Variants in CCSER2 observed in about 807,000 individuals in gnomAD.
The protein encoded by CCSER2 is coiled-coil serine rich protein 2, also known as serine-rich coiled-coil domain-containing protein 2.
CCSER2 carries 46 observed loss-of-function variants against 92.3 expected under a neutral mutation model. The ratio of observed to expected loss-of-function variants is 0.50; its 90% CI spans 0.39 to 0.64. The LOEUF (loss-of-function observed/expected upper bound fraction) is 0.64. Among genes scored for constraint, CCSER2 ranks in the 30% least tolerant of loss-of-function variants. CCSER2 has a pLI of 0.00. For missense variants in CCSER2, 1,244 were observed against 1,238.9 expected, an observed-to-expected ratio of 1.00 and a Z score of -0.06; for synonymous variants, 433 against 431.4, an observed-to-expected ratio of 1.00 and a Z score of -0.04.
At chr10:84,506,059 GA>G (rs2131859919) in intron 9 of CCSER2, among the ~76,000 whole-genome samples, 1 of 150,264 alleles carries the variant, frequency 6.7e-6, no homozygotes, top group Non-Finnish European at 1.5e-5. Context: ...TTGAGATATA[GA>G]CCCACGAAAT....
chr10:84,383,503 G>C (rs918773853), intron 3 of CCSER2, among the ~76,000 whole-genome samples: 1 of 151,914 alleles, frequency 6.6e-6, no homozygotes, highest in African/African-American at 2.4e-5. Context: ...GTAGAGACGG[G>C]GTTTCACCAT....
intron 9 of CCSER2, among the ~76,000 whole-genome samples, chr10:84,501,604 T>C (rs1848723856): frequency 6.6e-6 from 1 of 151,186 alleles, no homozygotes. Context: ...ATTCAGTGGC[T>C]CTCCATTTTC....
intron 1 of CCSER2, among the ~76,000 whole-genome samples, chr10:84,339,915 C>T (rs1844078133): frequency 6.6e-6 from 1 of 152,144 alleles, no homozygotes; most frequent in Non-Finnish European, 1.5e-5. Context: ...AATCTCTGCT[C>T]ACAGCAGCCT....
At chr10:84,457,216 TAC>T (rs1330261133) in intron 6 of CCSER2, among the ~76,000 whole-genome samples, 5 of 108,038 alleles carry the variant, frequency 4.6e-5, no homozygotes, top group African/African-American at 1.8e-4. Flanking sequence ...ATATATATAT[TAC>T]ATATTATATA....
At chr10:84,448,759 G>A (rs1007244501) in intron 6 of CCSER2, among the ~76,000 whole-genome samples, 1 of 152,094 alleles carries the variant, frequency 6.6e-6, no homozygotes, top group African/African-American at 2.4e-5. Context: ...CCCGGCCCAG[G>A]CAACCACTAT....
chr10:84,514,434 C>T lies in CCSER2; in HGVS notation c.*167C>T. ...TAGTTTGGCTCCTTCATTTTATATC[C>T]TGGTTGAAGTACATGCCATTTGAGC... On this transcript the variant is annotated 3_prime_UTR_variant, in exon 10 of 10. Coordinates refer to ENST00000372088, the MANE Select transcript of CCSER2 (RefSeq NM_001284240.2). The T allele has an allele frequency of 1.7e-6, 1 of 597,382 alleles. No homozygotes were observed. 37.0% of individuals were successfully genotyped at this position (597,382 alleles called of 1,614,324 possible).
chr10:84,450,810 TATTAA>T lies in CCSER2; in HGVS notation c.2064+12111_2064+12115del, dbSNP rs746316392. Among the ~76,000 whole-genome samples the T allele has an allele frequency of 5.9e-5, 9 of 152,214 alleles. No homozygotes were observed. The East Asian group carries it at 7.7e-4, about 13-fold the overall frequency. On this transcript the variant is annotated intron_variant, in intron 6 of 9. Coordinates refer to ENST00000372088, the MANE Select transcript of CCSER2 (RefSeq NM_001284240.2). ...CTTATAGTCTAGGGGAATATACATG[TATTAA>T]ATTAAATAATTATGAGAATGATGTG... is the stretch of plus-strand genomic sequence containing the variant.
intron 3 of CCSER2, among the ~76,000 whole-genome samples, chr10:84,408,740 A>C (rs1842497887): frequency 6.6e-6 from 1 of 152,142 alleles, no homozygotes; most frequent in Non-Finnish European, 1.5e-5. Flanking sequence ...CTGGACTTAG[A>C]GCACAACACT....
intron 3 of CCSER2, among the ~76,000 whole-genome samples, chr10:84,395,345 G>T (rs1462472970): frequency 1.3e-5 from 2 of 152,026 alleles, no homozygotes; most frequent in African/African-American, 2.4e-5. Context: ...CTGCAATTTG[G>T]ATCAAGTAGC....
chr10:84,389,414 T>C (rs1841401115), intron 3 of CCSER2: 1 of 493,438 alleles, frequency 2.0e-6, no homozygotes, highest in Non-Finnish European at 4.0e-6. Context: ...CTTGAGGGCT[T>C]TGATGATCGG....
At chr10:84,492,034 C>CT (rs2131806629) in intron 9 of CCSER2, among the ~76,000 whole-genome samples, 1 of 152,256 alleles carries the variant, frequency 6.6e-6, no homozygotes, top group South Asian at 2.1e-4. Flanking sequence ...AATCCCAGCA[C>CT]TTTGAGAGGC....
At chr10:84,457,570 ATATTTATATATTATATATAATTATATATT>A (rs1564685921) in intron 6 of CCSER2, among the ~76,000 whole-genome samples, 4 of 12,230 alleles carry the variant, frequency 3.3e-4, no homozygotes, top group African/African-American at 1.1e-3. Flanking sequence ...ATATAAATTT[ATATTTATATATTATATATAATTATATATT>A]TATATATTAT....
intron 9 of CCSER2, among the ~76,000 whole-genome samples, chr10:84,482,129 A>G (rs1847494633): frequency 6.6e-6 from 1 of 152,174 alleles, no homozygotes; most frequent in Non-Finnish European, 1.5e-5. Flanking sequence ...AGTTTTCAGA[A>G]GAAATGAAGG....
intron 5 of CCSER2, among the ~76,000 whole-genome samples, chr10:84,437,150 C>G (rs75458221): frequency 0.01 from 777 of 77,182 alleles, 3 homozygotes; most frequent in African/African-American, 0.025. Context: ...CACACACACA[C>G]AGAGAGAGAG....
chr10:84,510,533 G>T (rs1849296211), intron 9 of CCSER2, among the ~76,000 whole-genome samples: 1 of 152,076 alleles, frequency 6.6e-6, no homozygotes, highest in African/African-American at 2.4e-5. Flanking sequence ...TATGCTTTTT[G>T]ATATTCATTC....
At chr10:84,425,943 T>TTA in intron 5 of CCSER2, 50 bp downstream of exon 5, 1 of 1,311,542 alleles carries the variant, frequency 7.6e-7, no homozygotes, top group East Asian at 2.6e-5. Flanking sequence ...TGATTTTGAA[T>TTA]TATAATTCTC....
At chr10:84,428,913 C>A (rs550367612) in intron 5 of CCSER2, among the ~76,000 whole-genome samples, 3 of 144,820 alleles carry the variant, frequency 2.1e-5, no homozygotes, top group Non-Finnish European at 4.5e-5. Flanking sequence ...TGGTATGTTG[C>A]GTGTTGTGTT....
chr10:84,493,026 T>G (rs923085632), intron 9 of CCSER2, among the ~76,000 whole-genome samples: 1 of 152,230 alleles, frequency 6.6e-6, no homozygotes. Flanking sequence ...AGAGATAGTG[T>G]AGAATTAATG....
At chr10:84,338,649 G>T (rs1005852761) in intron 1 of CCSER2, among the ~76,000 whole-genome samples, 4 of 152,110 alleles carry the variant, frequency 2.6e-5, no homozygotes, top group Non-Finnish European at 4.4e-5. Flanking sequence ...CAACCTATTT[G>T]TTATGGTAGT....
Sources: gnomAD v4.1 joint callset for allele counts (sites outside exome capture counted in the v4.1 genomes callset) on GRCh38, gnomAD v4.1.1 for gene constraint, MANE v1.5 for transcripts, NCBI Gene and HGNC (gene_info 2026-07-23, HGNC 2026-07-21) for gene names.